The following DLGAP1 variants were observed in gnomAD, a reference collection of about 807,000 sequenced individuals.
The protein encoded by DLGAP1 is DLG associated protein 1.
In DLGAP1, 11 loss-of-function variants were observed where a neutral mutation model predicts 90.8. That is an observed-to-expected ratio of 0.12 (90% CI 0.08 to 0.20). DLGAP1 has a LOEUF of 0.20. DLGAP1 is among the 10% of genes least tolerant of loss of function. DLGAP1 has a pLI of 1.00. For synonymous variants in DLGAP1, 558 were observed against 540.7 expected (o/e 1.03, Z -0.44); for missense variants, 1,050 against 1,333.8 (o/e 0.79, Z 3.31).
intron 6 of DLGAP1, among the ~76,000 whole-genome samples, chr18:3,741,029 C>CACCACCAT (rs2062914571): frequency 4.5e-5 from 4 of 88,804 alleles, no homozygotes; most frequent in Non-Finnish European, 8.7e-5. Context: ...ACCACCACCA[C>CACCACCAT]CACCACCATC....
intron 1 of DLGAP1, among the ~76,000 whole-genome samples, chr18:4,232,908 C>T (rs754194920): frequency 1.3e-5 from 2 of 152,154 alleles, no homozygotes; most frequent in Non-Finnish European, 2.9e-5. Flanking sequence ...GTACACAGGT[C>T]AGCTCTCAAA....
chr18:3,729,670 A>C lies in DLGAP1; in HGVS notation c.1351-295T>G, dbSNP rs1023091847. On this transcript the variant is annotated intron_variant, in intron 6 of 12. Coordinates refer to ENST00000315677, the MANE Select transcript of DLGAP1 (RefSeq NM_004746.4). This position sits in a 1 kb window ranked among gnomAD's most constrained non-coding sequence, Gnocchi z 6.2. ...GTGATCCACCCGCCTGGGCCTCCCA[A>C]AGTGCTGGGATTACAGGCATGAGCT... 6.6e-6 allele frequency among the ~76,000 whole-genome samples: 1 copy of C among 152,172 alleles called. No homozygotes were observed. The highest frequency in any genetic ancestry group is 1.9e-4 in the East Asian group (1 of 5,194).
chr18:3,635,417 G>A (rs951739425), intron 7 of DLGAP1, among the ~76,000 whole-genome samples: 7 of 151,390 alleles, frequency 4.6e-5, no homozygotes, highest in Non-Finnish European at 1.0e-4. Flanking sequence ...GGGATTACAG[G>A]CGTGAGCCAC....
At chr18:3,839,425 G>T (rs1160886766) in intron 4 of DLGAP1, among the ~76,000 whole-genome samples, 1 of 152,158 alleles carries the variant, frequency 6.6e-6, no homozygotes, top group East Asian at 1.9e-4. Context: ...AAATCCACAC[G>T]TAGGCATTGG....
At chr18:3,602,123 ATGC>A (rs993857966) in intron 7 of DLGAP1, among the ~76,000 whole-genome samples, 1 of 152,174 alleles carries the variant, frequency 6.6e-6, no homozygotes, top group Non-Finnish European at 1.5e-5. Context: ...CGCAGCTTTG[ATGC>A]TGCCCAGGAC....
intron 1 of DLGAP1, among the ~76,000 whole-genome samples, chr18:4,407,946 C>T (rs2082699000): frequency 6.6e-6 from 1 of 152,150 alleles, no homozygotes. Context: ...TATTGTCCAA[C>T]TCTCCTGCAG....
chr18:3,786,360 A>G (rs532909280), intron 5 of DLGAP1, among the ~76,000 whole-genome samples: 8 of 152,328 alleles, frequency 5.3e-5, no homozygotes, highest in Admixed American at 5.2e-4. Flanking sequence ...ATAGGCCCCT[A>G]TGTAGTACTA....
chr18:3,867,880 A>G (rs2148778717), intron 4 of DLGAP1, among the ~76,000 whole-genome samples: 2 of 152,320 alleles, frequency 1.3e-5, no homozygotes. Context: ...TGTTCAGTTC[A>G]TGAGATCTTC....
intron 3 of DLGAP1, among the ~76,000 whole-genome samples, chr18:3,952,454 C>T (rs2073007066): frequency 6.6e-6 from 1 of 152,130 alleles, no homozygotes. Context: ...TAACCAGGTG[C>T]CTGAATGGAG....
At chr18:4,219,200 G>C (rs916262394) in intron 1 of DLGAP1, among the ~76,000 whole-genome samples, 1 of 151,324 alleles carries the variant, frequency 6.6e-6, no homozygotes, top group Non-Finnish European at 1.5e-5. Flanking sequence ...TCTCATTGGG[G>C]TTTTAATTTG....
chr18:4,186,368 T>C (rs2144696721), intron 1 of DLGAP1, among the ~76,000 whole-genome samples: 1 of 152,266 alleles, frequency 6.6e-6, no homozygotes, highest in East Asian at 1.9e-4. Flanking sequence ...ATATCCAGAA[T>C]GGTATTGCTA....
chr18:4,083,256 T>A (rs1203411044), intron 2 of DLGAP1, among the ~76,000 whole-genome samples: 1 of 152,212 alleles, frequency 6.6e-6, no homozygotes, highest in African/African-American at 2.4e-5. Context: ...ACCAAATGAC[T>A]TTAATTTTGT....
At chr18:3,704,650 A>AT (rs575949322) in intron 7 of DLGAP1, among the ~76,000 whole-genome samples, 2,710 of 148,702 alleles carry the variant, frequency 0.018, 84 homozygotes, top group African/African-American at 0.059. Context: ...CCATTGCTTG[A>AT]TTTTTTTTTT....
chr18:4,441,848 G>A (rs75298088), intron 1 of DLGAP1, among the ~76,000 whole-genome samples: 185 of 152,210 alleles, frequency 1.2e-3, no homozygotes, highest in African/African-American at 4.0e-3. Flanking sequence ...TACGATTCTC[G>A]GATGCCAACC....
intron 1 of DLGAP1, among the ~76,000 whole-genome samples, chr18:4,382,189 A>G (rs1233761299): frequency 1.3e-5 from 2 of 152,156 alleles, no homozygotes; most frequent in Non-Finnish European, 2.9e-5. Flanking sequence ...GTCACCCAGT[A>G]CAGCGGAATG....
intron 9 of DLGAP1, among the ~76,000 whole-genome samples, chr18:3,552,303 T>C (rs28433733): frequency 0.05 from 7,590 of 152,306 alleles, 572 homozygotes; most frequent in African/African-American, 0.17. Flanking sequence ...GGCTCTTGTC[T>C]TATCTCCCTG....
At chr18:4,182,531 C>G (rs1455656868) in intron 1 of DLGAP1, among the ~76,000 whole-genome samples, 1 of 152,050 alleles carries the variant, frequency 6.6e-6, no homozygotes, top group African/African-American at 2.4e-5. Context: ...TAAGCATTGA[C>G]TGTTCTTTGT....
intron 3 of DLGAP1, among the ~76,000 whole-genome samples, chr18:3,880,662 G>T (rs1378144053): frequency 6.6e-6 from 1 of 152,020 alleles, no homozygotes; most frequent in Non-Finnish European, 1.5e-5. Flanking sequence ...GAAAAAGGAG[G>T]CCGGGCGCGG....
chr18:4,013,052 T>G (rs1187745119), intron 2 of DLGAP1, among the ~76,000 whole-genome samples: 1 of 152,206 alleles, frequency 6.6e-6, no homozygotes, highest in African/African-American at 2.4e-5. Flanking sequence ...CAATGTTCTG[T>G]GAAAACTAAT....
Sources: allele counts gnomAD v4.1 joint callset (sites outside exome capture counted in the v4.1 genomes callset), GRCh38; gene constraint gnomAD v4.1.1; non-coding constraint Gnocchi (gnomAD v3.1); transcripts MANE v1.5; gene names NCBI Gene and HGNC (gene_info 2026-07-23, HGNC 2026-07-21).